Variants in FBXL19 observed in about 807,000 individuals in gnomAD.
FBXL19 encodes the protein F-box/LRR-repeat protein 19.
FBXL19 carries 16 observed loss-of-function variants against 71.2 expected under a neutral mutation model. That is an observed-to-expected ratio of 0.22 (90% CI 0.15 to 0.34). FBXL19 has a LOEUF of 0.34. FBXL19 is among the 10% of genes least tolerant of loss of function. The pLI is 1.00. For synonymous variants in FBXL19, 447 were observed against 409.4 expected (o/e 1.09, Z -1.11); for missense variants, 658 against 968.2 (o/e 0.68, Z 4.25).
intron 7 of FBXL19, among the ~76,000 whole-genome samples, chr16:30,936,486 G>C (rs551443562): frequency 6.7e-6 from 1 of 149,048 alleles, no homozygotes; most frequent in African/African-American, 2.5e-5. Flanking sequence ...CCAGGCTGGC[G>C]ACAATCTCGG....
At chr16:30,939,714 G>A (rs1480663629) in intron 7 of FBXL19, among the ~76,000 whole-genome samples, 1 of 151,408 alleles carries the variant, frequency 6.6e-6, no homozygotes, top group East Asian at 2.0e-4. Flanking sequence ...CACCGCGCCC[G>A]GCAACAATAC....
intron 7 of FBXL19, among the ~76,000 whole-genome samples, chr16:30,935,678 A>G (rs1197624597): frequency 1.3e-5 from 2 of 152,054 alleles, no homozygotes; most frequent in African/African-American, 4.8e-5. Context: ...TTGGAGCCCT[A>G]GGGGCCGTGA....
At chr16:30,926,839 A>T (rs1331773688) in intron 2 of FBXL19, among the ~76,000 whole-genome samples, 1 of 152,066 alleles carries the variant, frequency 6.6e-6, no homozygotes, top group Non-Finnish European at 1.5e-5. Context: ...TAGTGTTCCC[A>T]GGGGGTCTTG....
chr16:30,929,616 T>C (rs1454140110), intron 6 of FBXL19, among the ~76,000 whole-genome samples: 1 of 152,244 alleles, frequency 6.6e-6, no homozygotes, highest in Non-Finnish European at 1.5e-5. Context: ...TGGAGTGCAG[T>C]GGCGTGATCT....
At chr16:30,940,876 A>G (rs889281835) in intron 7 of FBXL19, among the ~76,000 whole-genome samples, 7 of 152,046 alleles carry the variant, frequency 4.6e-5, no homozygotes, top group African/African-American at 1.7e-4. Flanking sequence ...CTAGTAGAAC[A>G]GCCAGGCTGT....
rs1457297494 is a variant in FBXL19, at chr16:30,928,456, C to T, written c.628-11C>T. ...TCTCCCTTCCTCCATATCTCCCTCTCACCCTGGTAGGTGAAAGGAGGCCGA... is the reference window on the plus strand; with the variant it reads ...TCTCCCTTCCTCCATATCTCCCTCTTACCCTGGTAGGTGAAAGGAGGCCGA... On this transcript the variant is annotated splice_polypyrimidine_tract_variant and intron_variant, in intron 5 of 10. Transcript: ENST00000338343. 6.4e-7 allele frequency: 1 copy of T among 1,561,088 alleles called. No homozygotes were observed. The highest frequency in any genetic ancestry group is 1.4e-5 in the African/African-American group (1 of 72,496).
intron 7 of FBXL19, among the ~76,000 whole-genome samples, chr16:30,935,057 T>C (rs2055716949): frequency 6.6e-6 from 1 of 152,126 alleles, no homozygotes; most frequent in Non-Finnish European, 1.5e-5. Context: ...CCAAGGAGGA[T>C]GCTGGTGAGA....
chr16:30,945,904 A>G (rs2143395715), intron 9 of FBXL19, among the ~76,000 whole-genome samples: 1 of 151,646 alleles, frequency 6.6e-6, no homozygotes, highest in Admixed American at 6.6e-5. Flanking sequence ...AAAAATGCAT[A>G]TAATATGTCA....
chr16:30,930,114 G>A lies in FBXL19; in HGVS notation c.831G>A (p.Val277=). Residue 277 remains valine (V), a synonymous_variant, in exon 7 of 11, where the codon GTG becomes GTA. Coordinates refer to ENST00000338343, the MANE Select transcript of FBXL19 (RefSeq NM_001382779.1). The surrounding 1 kb of genome is among the most constrained non-coding windows in gnomAD (Gnocchi z 8.5). ...PPLASAEGPA[V]PSPSPQREKL... The stretch of plus-strand genomic sequence containing the variant: ...TGGCCTCTGCAGAGGGCCCAGCGGT[G>A]CCGTCCCCGTCCCCGCAGAGGGAGA... 6.2e-7 allele frequency: 1 copy of A among 1,613,542 alleles called. No individual in the cohort carries two copies. Among genetic ancestry groups the A allele is most frequent in the African/African-American group, 1.3e-5 (1 of 75,070 alleles).
Position 30,938,385 on chromosome 16 carries a change from G to A in FBXL19, c.1302-3731G>A, listed in dbSNP as rs1258237533. On this transcript the variant is annotated intron_variant, in intron 7 of 10. Coordinates refer to ENST00000338343, the MANE Select transcript of FBXL19 (RefSeq NM_001382779.1). ...GAAAAAATTAGCTAAGCATACCTGTGGTCCCAGCCACATGGGAGGCTGAGG... is the reference window on the plus strand; with the variant it reads ...GAAAAAATTAGCTAAGCATACCTGTAGTCCCAGCCACATGGGAGGCTGAGG... Among the ~76,000 whole-genome samples the A allele has an allele frequency of 2.6e-5, 4 of 152,008 alleles. No homozygotes were observed. In the East Asian group the frequency reaches 7.7e-4, roughly 29 times the overall value.
At chr16:30,943,702 C>G (rs1045414718) in intron 9 of FBXL19, among the ~76,000 whole-genome samples, 1 of 152,032 alleles carries the variant, frequency 6.6e-6, no homozygotes, top group African/African-American at 2.4e-5. Flanking sequence ...AGGGTTTCAT[C>G]ATGTTGTCCA....
At chr16:30,924,808 C>T (rs374179514) in intron 1 of FBXL19, 31 of 1,396,142 alleles carry the variant, frequency 2.2e-5, no homozygotes, top group Non-Finnish European at 2.7e-5. Context: ...GCTTCTAATT[C>T]CACATGGGAT....
At position 30,936,369 on chromosome 16, in the gene FBXL19, G is replaced by A. The variant is rs565836655; in HGVS notation, c.1302-5747G>A. Among the ~76,000 whole-genome samples the A allele has an allele frequency of 2.6e-3, 388 of 151,100 alleles. 3 individuals are homozygous for A. Among genetic ancestry groups the A allele is most frequent in the Non-Finnish European group, 4.2e-3 (283 of 67,828 alleles). On this transcript the variant is annotated intron_variant, in intron 7 of 10. Coordinates refer to ENST00000338343, the MANE Select transcript of FBXL19 (RefSeq NM_001382779.1). ...ACCCAGACGGGCTAGGTGGAACCCC[G>A]CCTCTACTACCTACCACTTGGTAGT...
chr16:30,940,655 TTTTGTTTGTTTG>T (rs570540459), intron 7 of FBXL19, among the ~76,000 whole-genome samples: 2 of 151,746 alleles, frequency 1.3e-5, no homozygotes, highest in Non-Finnish European at 2.9e-5. Flanking sequence ...ACTGCATGTT[TTTTGTTTGTTTG>T]TTTGTTTGTT....
At position 30,927,293 on chromosome 16, in the gene FBXL19, C is replaced by T; in HGVS notation, c.178-15C>T. The T allele has an allele frequency of 1.9e-6, 3 of 1,543,344 alleles. No individual in the cohort carries two copies. Among genetic ancestry groups the T allele is most frequent in the Non-Finnish European group, 2.6e-6 (3 of 1,143,916 alleles). ...TTAGCTTTCGGGGCCCCTGATGTCC[C>T]CTCTCCCCCAACAGCCCGTGCTCCC... On this transcript the variant is annotated splice_polypyrimidine_tract_variant and intron_variant, in intron 2 of 10. Coordinates refer to ENST00000338343, the MANE Select transcript of FBXL19 (RefSeq NM_001382779.1).
Position 30,947,791 on chromosome 16 carries a change from G to A in FBXL19, c.*561G>A, listed in dbSNP as rs1224381326. The A allele has an allele frequency of 2.3e-6, 1 of 433,702 alleles. No homozygotes were observed. The highest frequency in any genetic ancestry group is 2.0e-5 in the African/African-American group (1 of 48,844). 26.9% of individuals were successfully genotyped at this position (433,702 alleles called of 1,614,324 possible). A position where few individuals can be genotyped will look rare whatever the true frequency, so the allele number is the denominator to read the frequency against. On this transcript the variant is annotated 3_prime_UTR_variant, in exon 11 of 11. Transcript: ENST00000338343. Reference sequence around the variant, plus strand: ...TGAGCTGGAGGTGGGGATGAGAGCAGGTGTGGGGACAGCAATACCCCCTTG... The same window carrying A: ...TGAGCTGGAGGTGGGGATGAGAGCAAGTGTGGGGACAGCAATACCCCCTTG...
Position 30,946,545 on chromosome 16 carries a change from C to T in FBXL19, c.1628-185C>T, listed in dbSNP as rs1020714733. On this transcript the variant is annotated intron_variant, in intron 9 of 10. Transcript: ENST00000338343. This position sits in a 1 kb window ranked among gnomAD's most constrained non-coding sequence, Gnocchi z 6.7. ...AAATACAATAATCATGGAAGGCCTC[C>T]GAGGAGGTGATGTGAGGAGTGGACA... Among the ~76,000 whole-genome samples the T allele has an allele frequency of 6.6e-6, 1 of 152,132 alleles. No homozygotes were observed. The highest frequency in any genetic ancestry group is 1.9e-4 in the East Asian group (1 of 5,192).
chr16:30,947,092 C>G lies in FBXL19; in HGVS notation c.1887C>G (p.Arg629=). Residue 629 remains arginine (R), a synonymous_variant, in exon 11 of 11, where the codon CGC becomes CGG. Transcript: ENST00000338343. ...CGGACCACTGCCTCCCGCTGTTCCG[C>G]CGCTGCCCTCGTCTACGCCGCCTAG... ...RLTDHCLPLF[R]RCPRLRRLDL... 6.3e-7 allele frequency: 1 copy of G among 1,597,790 alleles called. No individual in the cohort carries two copies. Among genetic ancestry groups the G allele is most frequent in the Non-Finnish European group, 8.5e-7 (1 of 1,177,160 alleles).
intron 7 of FBXL19, among the ~76,000 whole-genome samples, chr16:30,937,495 C>T (rs1185688916): frequency 2.6e-5 from 4 of 152,120 alleles, no homozygotes; most frequent in Admixed American, 6.5e-5. Context: ...TTGCCTCCTC[C>T]GTGCCCAGTG....
Sources: allele counts gnomAD v4.1 joint callset (sites outside exome capture counted in the v4.1 genomes callset), GRCh38; gene constraint gnomAD v4.1.1; non-coding constraint Gnocchi (gnomAD v3.1); transcripts MANE v1.5; gene names NCBI Gene and HGNC (gene_info 2026-07-23, HGNC 2026-07-21).